AGMO: variants seen among roughly 807,000 people sequenced by gnomAD.
AGMO encodes alkylglycerol monooxygenase, also known as glyceryl-ether monooxygenase.
In AGMO, 75 loss-of-function variants were observed where a neutral mutation model predicts 60.2. That is an observed-to-expected ratio of 1.25 (90% confidence interval 1.03 to 1.51). The LOEUF (loss-of-function observed/expected upper bound fraction) is 1.51. Ranked by LOEUF, AGMO falls within the 40% of genes most tolerant of loss-of-function variation. The pLI, the probability that AGMO is intolerant of heterozygous loss-of-function variation, is 0.00. For synonymous variants in AGMO, 261 were observed against 177.1 expected (o/e 1.47, Z -3.76); for missense variants, 763 against 525.5 (o/e 1.45, Z -4.42).
At chr7:15,372,050 G>T (rs1429383409) in intron 10 of AGMO, among the ~76,000 whole-genome samples, 7 of 152,010 alleles carry the variant, frequency 4.6e-5, no homozygotes, top group Admixed American at 4.6e-4. Context: ...ATTCAACATA[G>T]AACACATATG....
chr7:15,449,156 A>G (rs1781789657), intron 3 of AGMO, among the ~76,000 whole-genome samples: 1 of 152,342 alleles, frequency 6.6e-6, no homozygotes, highest in African/African-American at 2.4e-5. Flanking sequence ...ACAATAAAAA[A>G]TAGTAAACCA....
chr7:15,528,157 G>A (rs1784173594), intron 3 of AGMO, among the ~76,000 whole-genome samples: 1 of 152,018 alleles, frequency 6.6e-6, no homozygotes, highest in African/African-American at 2.4e-5. Context: ...TCTGATGGAT[G>A]GATATGATTT....
chr7:15,240,100 A>C (rs1402838789), intron 12 of AGMO, among the ~76,000 whole-genome samples: 2 of 152,146 alleles, frequency 1.3e-5, no homozygotes, highest in Non-Finnish European at 2.9e-5. Flanking sequence ...TTTTCCTAAC[A>C]ATCAAGCTAC....
At chr7:15,541,683 G>A (rs958978222) in intron 3 of AGMO, among the ~76,000 whole-genome samples, 1 of 152,030 alleles carries the variant, frequency 6.6e-6, no homozygotes, top group Non-Finnish European at 1.5e-5. Flanking sequence ...AGAATAAACT[G>A]TTTTCTGCTA....
At chr7:15,247,459 C>CACAGAGAG (rs139642069) in intron 12 of AGMO, among the ~76,000 whole-genome samples, 143 of 115,272 alleles carry the variant, frequency 1.2e-3, no homozygotes, top group African/African-American at 4.9e-3. Flanking sequence ...CACACACACA[C>CACAGAGAG]AGAGAGAGAG....
At chr7:15,179,935 G>A in the AGMO span, among the ~76,000 whole-genome samples, 1 of 152,168 alleles carries the variant, frequency 6.6e-6, no homozygotes, top group Non-Finnish European at 1.5e-5. Context: ...TACTGTGCTA[G>A]AACGAGGGGA....
chr7:15,558,754 T>A (rs1785222216), intron 2 of AGMO, among the ~76,000 whole-genome samples: 1 of 152,128 alleles, frequency 6.6e-6, no homozygotes, highest in Admixed American at 6.6e-5. Flanking sequence ...AAATTTTACT[T>A]TTAAGTTTAC....
intron 3 of AGMO, among the ~76,000 whole-genome samples, chr7:15,438,527 C>A (rs6944475): frequency 0.36 from 54,142 of 151,962 alleles, 9,734 homozygotes; most frequent in Middle Eastern, 0.4. Flanking sequence ...CCCCTTACCA[C>A]CTTGATAGGT....
chr7:15,414,927 G>A (rs1312324475), intron 5 of AGMO, among the ~76,000 whole-genome samples: 2 of 151,984 alleles, frequency 1.3e-5, no homozygotes, highest in East Asian at 1.9e-4. Context: ...GGGCTATAGT[G>A]GTTATGTACA....
intron 4 of AGMO, among the ~76,000 whole-genome samples, chr7:15,419,251 G>A (rs374594907): frequency 4.6e-5 from 7 of 151,824 alleles, no homozygotes; most frequent in South Asian, 2.1e-4. Context: ...TCCATATTAC[G>A]TAATAAACAG....
At chr7:15,537,937 CAAATG>C (rs1784522810) in intron 3 of AGMO, among the ~76,000 whole-genome samples, 1 of 151,882 alleles carries the variant, frequency 6.6e-6, no homozygotes, top group Non-Finnish European at 1.5e-5. Flanking sequence ...CTTCAACGGA[CAAATG>C]TTTAACATTT....
chr7:15,511,581 T>C (rs113761499), intron 3 of AGMO, among the ~76,000 whole-genome samples: 14 of 152,168 alleles, frequency 9.2e-5, no homozygotes, highest in African/African-American at 3.1e-4. Flanking sequence ...CTGGTGACTA[T>C]AGACAAAGTA....
chr7:15,423,269 A>G (rs1780972402), intron 4 of AGMO, among the ~76,000 whole-genome samples: 1 of 152,198 alleles, frequency 6.6e-6, no homozygotes, highest in Non-Finnish European at 1.5e-5. Flanking sequence ...CCTTAAGTCT[A>G]TGATTAGTAA....
At chr7:15,166,353 C>A in the AGMO span, among the ~76,000 whole-genome samples, 2 of 152,048 alleles carry the variant, frequency 1.3e-5, no homozygotes, top group Non-Finnish European at 2.9e-5. Context: ...AGCCCCAGGG[C>A]AGCTGGGTGT....
chr7:15,172,945 T>C, the AGMO span, among the ~76,000 whole-genome samples: 2 of 152,148 alleles, frequency 1.3e-5, no homozygotes, highest in Non-Finnish European at 2.9e-5. Flanking sequence ...AATAACTTAG[T>C]TGGGAATCAA....
At chr7:15,368,280 C>CA (rs34220868) in intron 10 of AGMO, among the ~76,000 whole-genome samples, 47,137 of 123,128 alleles carry the variant, frequency 0.38, 7,901 homozygotes, top group African/African-American at 0.46. Flanking sequence ...AGAATGAGAC[C>CA]AAAAAAAAAA....
intron 12 of AGMO, among the ~76,000 whole-genome samples, chr7:15,325,568 A>G (rs1781312604): frequency 6.6e-6 from 1 of 152,176 alleles, no homozygotes; most frequent in Admixed American, 6.6e-5. Flanking sequence ...AAAGGACTCT[A>G]TTTCAACAGC....
chr7:15,317,918 T>TAC (rs1242223786), intron 12 of AGMO, among the ~76,000 whole-genome samples: 3 of 141,052 alleles, frequency 2.1e-5, no homozygotes, highest in Non-Finnish European at 4.5e-5. Context: ...TATATATATA[T>TAC]ACACACACGT....
At chr7:15,255,278 G>A (rs962138001) in intron 12 of AGMO, among the ~76,000 whole-genome samples, 3 of 152,022 alleles carry the variant, frequency 2.0e-5, no homozygotes, top group Non-Finnish European at 2.9e-5. Context: ...AGGTTGATGG[G>A]TGCAGCAAAC....
Sources: gnomAD v4.1 joint callset for allele counts (sites outside exome capture counted in the v4.1 genomes callset) on GRCh38, gnomAD v4.1.1 for gene constraint, MANE v1.5 for transcripts, NCBI Gene and HGNC (gene_info 2026-07-23, HGNC 2026-07-21) for gene names.